The following KIAA1217 variants were observed in gnomAD, a reference collection of about 807,000 sequenced individuals.
The protein encoded by KIAA1217 is KIAA1217.
A neutral mutation model predicts 163.9 loss-of-function variants in KIAA1217; 88 were observed. That is an observed-to-expected ratio of 0.54 (90% CI 0.45 to 0.64). The LOEUF is 0.64. Among genes scored for constraint, KIAA1217 ranks in the 30% least tolerant of loss-of-function variants. The probability of loss-of-function intolerance (pLI) is 0.00; values close to 1 mark genes in which losing one functional copy is unlikely to be tolerated. For synonymous variants in KIAA1217, 903 were observed against 923.1 expected, an observed-to-expected ratio of 0.98 and a Z score of 0.39; for missense variants, 2,372 against 2,475.0, an observed-to-expected ratio of 0.96 and a Z score of 0.88.
chr10:23,996,934 G>A (rs1230694763), intron 1 of KIAA1217, among the ~76,000 whole-genome samples: 1 of 152,062 alleles, frequency 6.6e-6, no homozygotes, highest in African/African-American at 2.4e-5. Context: ...ATTTACTCCT[G>A]AGCATCCCAG....
At chr10:24,304,229 C>T (rs1233392379) in intron 2 of KIAA1217, among the ~76,000 whole-genome samples, 1 of 144,568 alleles carries the variant, frequency 6.9e-6, no homozygotes, top group Non-Finnish European at 1.5e-5. Context: ...TTTTGCCTGA[C>T]CATAGTACTT....
At chr10:24,248,990 C>A (rs1335987073) in intron 2 of KIAA1217, among the ~76,000 whole-genome samples, 1 of 152,186 alleles carries the variant, frequency 6.6e-6, no homozygotes, top group Non-Finnish European at 1.5e-5. Flanking sequence ...AAGCTTTAGA[C>A]ATAATTTCAA....
intron 1 of KIAA1217, among the ~76,000 whole-genome samples, chr10:23,878,984 T>G (rs1038723587): frequency 6.6e-6 from 1 of 151,906 alleles, no homozygotes; most frequent in African/African-American, 2.4e-5. Context: ...TTGGGATATG[T>G]GTTTTAGGAT....
intron 2 of KIAA1217, among the ~76,000 whole-genome samples, chr10:24,095,205 G>A (rs369523231): frequency 1.2e-4 from 18 of 152,250 alleles, no homozygotes; most frequent in South Asian, 8.3e-4. Flanking sequence ...GCAATGCCTC[G>A]CCCTGCTTCT....
chr10:23,879,598 C>T (rs181812359), intron 1 of KIAA1217, among the ~76,000 whole-genome samples: 1 of 151,894 alleles, frequency 6.6e-6, no homozygotes, highest in African/African-American at 2.4e-5. Flanking sequence ...AGTAGTCCAA[C>T]AGGGTGATGT....
At chr10:24,442,643 GGT>G (rs1269427578) in intron 5 of KIAA1217, among the ~76,000 whole-genome samples, 1 of 152,006 alleles carries the variant, frequency 6.6e-6, no homozygotes, top group Non-Finnish European at 1.5e-5. Flanking sequence ...GCTATGATAG[GGT>G]GTGTGTGTAT....
intron 1 of KIAA1217, among the ~76,000 whole-genome samples, chr10:23,996,370 G>A (rs1027363278): frequency 1.3e-4 from 20 of 152,148 alleles, no homozygotes; most frequent in African/African-American, 4.8e-4. Flanking sequence ...TATGATATAG[G>A]AAGGAGACAA....
chr10:23,977,156 C>A (rs1246584476), intron 1 of KIAA1217, among the ~76,000 whole-genome samples: 2 of 152,082 alleles, frequency 1.3e-5, no homozygotes, highest in Non-Finnish European at 2.9e-5. Context: ...TGATTTGTGA[C>A]CCAAAATTTG....
intron 2 of KIAA1217, among the ~76,000 whole-genome samples, chr10:24,028,087 G>T (rs1441619801): frequency 7.9e-5 from 12 of 152,102 alleles, no homozygotes; most frequent in Admixed American, 2.0e-4. Context: ...TTATTATCTA[G>T]CTCTAAATCA....
At chr10:23,823,876 T>C (rs74568034) in intron 1 of KIAA1217, among the ~76,000 whole-genome samples, 1 of 148,612 alleles carries the variant, frequency 6.7e-6, no homozygotes, top group Non-Finnish European at 1.5e-5. Context: ...GAAAGTTGCA[T>C]AGATGGAGAA....
intron 2 of KIAA1217, among the ~76,000 whole-genome samples, chr10:24,016,617 T>C (rs1847489381): frequency 6.6e-6 from 1 of 152,140 alleles, no homozygotes; most frequent in African/African-American, 2.4e-5. Context: ...TATTGTAGTA[T>C]AGTATAATAT....
intron 3 of KIAA1217, among the ~76,000 whole-genome samples, chr10:24,416,807 C>T (rs1236572077): frequency 3.9e-5 from 6 of 152,092 alleles, no homozygotes. Flanking sequence ...TGATTTTCCT[C>T]AACTACACGG....
chr10:23,725,039 A>G (rs1198432501), intron 1 of KIAA1217, among the ~76,000 whole-genome samples: 1 of 152,112 alleles, frequency 6.6e-6, no homozygotes, highest in Admixed American at 6.6e-5. Context: ...CTTTATGACA[A>G]CCTTTCATAC....
chr10:23,789,923 A>T lies in KIAA1217; in HGVS notation c.-321+94689A>T, dbSNP rs1348926379. Among the ~76,000 whole-genome samples the T allele has an allele frequency of 2.1e-5, 2 of 93,470 alleles. 1 individual carries two copies. The highest frequency in any genetic ancestry group is 8.7e-5 in the African/African-American group (2 of 22,896). The allele number at this position is 93,470 out of a possible 152,430, so 61.3% of individuals were successfully genotyped here. A position where few individuals can be genotyped will look rare whatever the true frequency, so the allele number is the denominator to read the frequency against. ...TATATACATATACATATGCATATAC[A>T]TGTATATATACACATATACATATAC... On this transcript the variant is annotated intron_variant, in intron 1 of 18. Coordinates refer to the KIAA1217 transcript ENST00000376462.
At chr10:23,736,729 T>C (rs1838829394) in intron 1 of KIAA1217, among the ~76,000 whole-genome samples, 1 of 152,170 alleles carries the variant, frequency 6.6e-6, no homozygotes, top group African/African-American at 2.4e-5. Context: ...TCTTGCTGTG[T>C]TGCCCAGGCT....
intron 1 of KIAA1217, among the ~76,000 whole-genome samples, chr10:23,849,916 G>A (rs1020020642): frequency 8.6e-5 from 13 of 152,022 alleles, no homozygotes; most frequent in Non-Finnish European, 1.6e-4. Flanking sequence ...AAACATTCAT[G>A]CGTACAACAG....
chr10:24,156,911 CTG>C (rs1337183579), intron 2 of KIAA1217, among the ~76,000 whole-genome samples: 2 of 152,208 alleles, frequency 1.3e-5, no homozygotes, highest in African/African-American at 4.8e-5. Flanking sequence ...TTCTAGGAAA[CTG>C]TGAGTAAAAC....
intron 5 of KIAA1217, among the ~76,000 whole-genome samples, chr10:24,452,606 C>T (rs757443184): frequency 6.1e-5 from 9 of 147,894 alleles, no homozygotes; most frequent in Non-Finnish European, 1.2e-4. Context: ...GGGGTGAACC[C>T]GGGAGTTTGA....
intron 1 of KIAA1217, among the ~76,000 whole-genome samples, chr10:23,838,703 C>A (rs917183010): frequency 6.6e-6 from 1 of 152,198 alleles, no homozygotes; most frequent in African/African-American, 2.4e-5. Flanking sequence ...TCAAATGATC[C>A]ACCCACCTGA....
Sources: allele counts gnomAD v4.1 joint callset (sites outside exome capture counted in the v4.1 genomes callset), GRCh38; gene constraint gnomAD v4.1.1; transcripts MANE v1.5; gene names NCBI Gene and HGNC (gene_info 2026-07-23, HGNC 2026-07-21).